Variants in TUBA1C observed in about 807,000 individuals in gnomAD.
TUBA1C encodes tubulin alpha-1C chain.
Under a neutral mutation model 34.9 loss-of-function variants are expected in TUBA1C, and 16 were observed. That is an observed-to-expected ratio of 0.46 (90% CI 0.31 to 0.70). TUBA1C has a LOEUF of 0.70. Among genes scored for constraint, TUBA1C ranks in the 30% least tolerant of loss-of-function variants. TUBA1C has a pLI of 0.05. For missense variants in TUBA1C, 329 were observed against 587.3 expected (o/e 0.56, Z 4.55); for synonymous variants, 177 against 215.9 (o/e 0.82, Z 1.58).
In TUBA1C at chr12:49,265,193, G is replaced by A. The variant is rs776713036; in HGVS notation, c.3+9G>A. 1 of 1,599,086 alleles carries A rather than the reference G, an allele frequency of 6.3e-7. No individual in the cohort carries two copies. Reference sequence around the variant, plus strand: ...TTCAAGTTCTAGTCATGGTGAGTGGGGTTCCCTCGGGGCTGGGGAAGAGTG... The same window carrying A: ...TTCAAGTTCTAGTCATGGTGAGTGGAGTTCCCTCGGGGCTGGGGAAGAGTG... On this transcript the variant is annotated intron_variant, in intron 1 of 3. Coordinates refer to ENST00000301072, the MANE Select transcript of TUBA1C (RefSeq NM_032704.5).
chr12:49,241,570 T>C (rs1942615420), intron 1 of TUBA1C, among the ~76,000 whole-genome samples: 1 of 152,044 alleles, frequency 6.6e-6, no homozygotes, highest in Non-Finnish European at 1.5e-5. Context: ...TTCATGCAAT[T>C]TCTGGTGTAT....
intron 1 of TUBA1C, among the ~76,000 whole-genome samples, chr12:49,242,681 T>G (rs1012570584): frequency 2.0e-5 from 3 of 151,462 alleles, no homozygotes; most frequent in Non-Finnish European, 4.4e-5. Context: ...ACAGACAGGG[T>G]CTCCCTGTGT....
chr12:49,271,048 G>C (rs1210288029), intron 3 of TUBA1C, among the ~76,000 whole-genome samples: 11 of 152,194 alleles, frequency 7.2e-5, no homozygotes. Flanking sequence ...TCAGGGACCT[G>C]CCTTTAGGAC....
intron 1 of TUBA1C, among the ~76,000 whole-genome samples, chr12:49,255,170 G>A (rs1230730924): frequency 6.6e-6 from 1 of 151,826 alleles, no homozygotes; most frequent in Admixed American, 6.6e-5. Context: ...CCTTGCCAAG[G>A]TTACTCTATT....
At chr12:49,240,073 CA>C (rs764964237) in intron 1 of TUBA1C, among the ~76,000 whole-genome samples, 1,623 of 151,504 alleles carry the variant, frequency 0.011, 17 homozygotes, top group South Asian at 0.018. Context: ...CACACACACA[CA>C]CACCCTGCCT....
chr12:49,270,004 G>A, intron 3 of TUBA1C, 28 bp downstream of exon 3: 1 of 1,614,186 alleles, frequency 6.2e-7, no homozygotes, highest in East Asian at 2.2e-5. Flanking sequence ...AATAAAGTGG[G>A]ATGAGAGTTT....
chr12:49,245,030 C>T (rs1449748342), intron 1 of TUBA1C, among the ~76,000 whole-genome samples: 1 of 152,148 alleles, frequency 6.6e-6, no homozygotes, highest in Non-Finnish European at 1.5e-5. Flanking sequence ...AGCTATAATT[C>T]AGCCCAGGCC....
At chr12:49,242,719 C>T (rs1046762541) in intron 1 of TUBA1C, among the ~76,000 whole-genome samples, 6 of 151,986 alleles carry the variant, frequency 3.9e-5, no homozygotes, top group African/African-American at 4.8e-5. Context: ...AACTCCTAGT[C>T]TCAAGCAATC....
At chr12:49,243,185 C>T (rs954691475) in intron 1 of TUBA1C, among the ~76,000 whole-genome samples, 6 of 152,100 alleles carry the variant, frequency 3.9e-5, no homozygotes, top group Non-Finnish European at 7.3e-5. Flanking sequence ...GTGGCTCATG[C>T]CTGTAATCCT....
chr12:49,234,906 C>G (rs190124497), intron 1 of TUBA1C, among the ~76,000 whole-genome samples: 1 of 152,146 alleles, frequency 6.6e-6, no homozygotes, highest in Non-Finnish European at 1.5e-5. Flanking sequence ...CAACCTCCGC[C>G]TCCCAGATTC....
At chr12:49,249,716 C>T (rs1300279625) in intron 1 of TUBA1C, among the ~76,000 whole-genome samples, 1 of 151,502 alleles carries the variant, frequency 6.6e-6, no homozygotes, top group East Asian at 1.9e-4. Flanking sequence ...CAAAAATTAG[C>T]CAGTCATGGT....
chr12:49,265,971 A>G (rs75051125), intron 1 of TUBA1C, among the ~76,000 whole-genome samples: 3 of 141,686 alleles, frequency 2.1e-5, no homozygotes, highest in Middle Eastern at 3.3e-3. Flanking sequence ...AAAAAAAAAA[A>G]ACAAAAAAAA....
At chr12:49,271,920 C>T (rs1402858602) in intron 3 of TUBA1C, among the ~76,000 whole-genome samples, 1 of 152,100 alleles carries the variant, frequency 6.6e-6, no homozygotes, top group Non-Finnish European at 1.5e-5. Flanking sequence ...GGTTTTTCTG[C>T]TCAAGGACTT....
At chr12:49,236,667 C>G (rs1015205128) in intron 1 of TUBA1C, among the ~76,000 whole-genome samples, 9 of 152,218 alleles carry the variant, frequency 5.9e-5, no homozygotes, top group African/African-American at 1.9e-4. Flanking sequence ...AATTTCATCA[C>G]TGTGCAAACA....
At chr12:49,270,079 T>C in intron 3 of TUBA1C, 103 bp downstream of exon 3, 2 of 1,599,750 alleles carry the variant, frequency 1.3e-6, no homozygotes, top group Non-Finnish European at 1.7e-6. Context: ...ACTATTTGCA[T>C]TGCAACTAAA....
intron 3 of TUBA1C, 74 bp from the exon 4 acceptor site, chr12:49,272,179 T>A: frequency 6.5e-7 from 1 of 1,534,706 alleles, no homozygotes; most frequent in Admixed American, 2.2e-5. Flanking sequence ...ATAGAAGTCC[T>A]CTGTAGGTTT....
At chr12:49,270,208 T>C in intron 3 of TUBA1C, 2 of 784,896 alleles carry the variant, frequency 2.5e-6, no homozygotes, top group South Asian at 1.6e-5. Flanking sequence ...GAGACACCCC[T>C]TTTGAGGTCA....
intron 1 of TUBA1C, among the ~76,000 whole-genome samples, chr12:49,266,541 C>A (rs1942915523): frequency 6.6e-6 from 1 of 151,976 alleles, no homozygotes; most frequent in South Asian, 2.1e-4. Flanking sequence ...ATAAAGCTTC[C>A]AGAAGTATTG....
chr12:49,228,167 G>C lies in TUBA1C; in HGVS notation c.213+1G>C. 1 of 1,535,650 alleles carries C rather than the reference G, an allele frequency of 6.5e-7. No individual in the cohort carries two copies. Among genetic ancestry groups the C allele is most frequent in the Non-Finnish European group, 8.7e-7 (1 of 1,146,886 alleles). ...AGGAGAACCTGGCTGTGATTCAAAG[G>C]TAAGGCTGTAATAGTAATGTAATGT... On this transcript the variant is annotated splice_donor_variant, in intron 1 of 3. Coordinates refer to the TUBA1C transcript ENST00000541364. LOFTEE classifies it high-confidence loss of function.
Sources: gnomAD v4.1 joint callset for allele counts (sites outside exome capture counted in the v4.1 genomes callset) on GRCh38, gnomAD v4.1.1 for gene constraint, MANE v1.5 for transcripts, NCBI Gene and HGNC (gene_info 2026-07-23, HGNC 2026-07-21) for gene names.